Variants in PDE1C observed in about 807,000 individuals in gnomAD.
PDE1C encodes dual specificity calcium/calmodulin-dependent 3',5'-cyclic nucleotide phosphodiesterase 1C.
Under a neutral mutation model 93.1 loss-of-function variants are expected in PDE1C, and 62 were observed. That is an observed-to-expected ratio of 0.67 (90% CI 0.54 to 0.82). PDE1C has a LOEUF of 0.82. Ranked by LOEUF, PDE1C falls within the 40% of genes least tolerant of loss-of-function variation. The probability of loss-of-function intolerance (pLI) is 0.00; values close to 1 mark genes in which losing one functional copy is unlikely to be tolerated. For synonymous variants in PDE1C, 325 were observed against 310.1 expected (o/e 1.05, Z -0.50); for missense variants, 742 against 884.6 (o/e 0.84, Z 2.04).
At chr7:31,979,669 T>C (rs1329536151) in intron 2 of PDE1C, among the ~76,000 whole-genome samples, 1 of 152,192 alleles carries the variant, frequency 6.6e-6, no homozygotes, top group African/African-American at 2.4e-5. Context: ...CTATACTTAC[T>C]AGCTTCATGA....
At chr7:32,097,948 C>CACATAATTTTCACCACAACCCTGAA (rs1797839745) in intron 3 of PDE1C, among the ~76,000 whole-genome samples, 1 of 152,040 alleles carries the variant, frequency 6.6e-6, no homozygotes, top group African/African-American at 2.4e-5. Flanking sequence ...GACATAAATC[C>CACATAATTTTCACCACAACCCTGAA]GGCCGGGCGC....
chr7:31,619,744 A>G, the PDE1C span, among the ~76,000 whole-genome samples: 2 of 152,122 alleles, frequency 1.3e-5, no homozygotes, highest in Admixed American at 6.5e-5. Context: ...AGGGAGTGCC[A>G]GACAGTGGGC....
At chr7:32,419,458 G>A (rs1304567880) in intron 1 of PDE1C, among the ~76,000 whole-genome samples, 1 of 152,212 alleles carries the variant, frequency 6.6e-6, no homozygotes. Context: ...AGCTCCCTCA[G>A]GAGAGTGAGC....
At chr7:31,776,413 C>T (rs979010642) in intron 16 of PDE1C, among the ~76,000 whole-genome samples, 1 of 152,012 alleles carries the variant, frequency 6.6e-6, no homozygotes, top group African/African-American at 2.4e-5. Context: ...CAACTGGCAA[C>T]AGAATTCCTA....
intron 7 of PDE1C, among the ~76,000 whole-genome samples, chr7:31,854,697 G>T (rs1037911359): frequency 6.6e-6 from 1 of 152,162 alleles, no homozygotes; most frequent in Admixed American, 6.6e-5. Context: ...ACTTTTCTAT[G>T]TGAATGATAG....
the PDE1C span, among the ~76,000 whole-genome samples, chr7:31,732,102 G>A: frequency 1.3e-5 from 2 of 152,232 alleles, no homozygotes; most frequent in Admixed American, 6.5e-5. Flanking sequence ...GCCCAGATGC[G>A]AGGTGCGGGA....
intron 1 of PDE1C, among the ~76,000 whole-genome samples, chr7:32,359,448 C>A (rs1229267196): frequency 6.6e-6 from 1 of 152,138 alleles, no homozygotes; most frequent in African/African-American, 2.4e-5. Flanking sequence ...TATTCATCAT[C>A]TATCTTTCCC....
At chr7:32,259,682 T>C (rs1248254306) in intron 1 of PDE1C, among the ~76,000 whole-genome samples, 1 of 152,156 alleles carries the variant, frequency 6.6e-6, no homozygotes, top group East Asian at 1.9e-4. Flanking sequence ...GTTCTCCTCA[T>C]CCAGCCCCAG....
At chr7:31,642,652 T>C in the PDE1C span, 4 of 1,596,204 alleles carry the variant, frequency 2.5e-6, no homozygotes, top group Non-Finnish European at 3.4e-6. Flanking sequence ...CTTCCTGACC[T>C]GTTTCCCTTT....
At chr7:31,969,307 C>T (rs1810545035) in intron 2 of PDE1C, among the ~76,000 whole-genome samples, 1 of 152,138 alleles carries the variant, frequency 6.6e-6, no homozygotes, top group Admixed American at 6.6e-5. Flanking sequence ...AAAAAACAAA[C>T]AACCCTATCA....
intron 2 of PDE1C, among the ~76,000 whole-genome samples, chr7:31,903,187 G>A (rs1355607597): frequency 1.3e-5 from 2 of 151,586 alleles, no homozygotes; most frequent in Non-Finnish European, 3.0e-5. Context: ...AATATTTTCA[G>A]GAAAAATGAG....
intron 17 of PDE1C, among the ~76,000 whole-genome samples, chr7:31,773,062 C>T (rs12154811): frequency 0.31 from 46,934 of 152,090 alleles, 7,795 homozygotes; most frequent in African/African-American, 0.42. Flanking sequence ...TCCTTCCGTG[C>T]ACCCCTCAGG....
At chr7:31,638,179 A>T in the PDE1C span, among the ~76,000 whole-genome samples, 1 of 152,232 alleles carries the variant, frequency 6.6e-6, no homozygotes, top group Non-Finnish European at 1.5e-5. Flanking sequence ...CACAGTTGAT[A>T]TAAGGAGGAA....
intron 2 of PDE1C, among the ~76,000 whole-genome samples, chr7:31,957,097 T>A (rs1376583117): frequency 6.6e-6 from 1 of 151,412 alleles, no homozygotes; most frequent in Non-Finnish European, 1.5e-5. Flanking sequence ...AAATAATTGC[T>A]CTGTATTAAA....
chr7:31,875,629 G>T (rs754034874), intron 5 of PDE1C, among the ~76,000 whole-genome samples: 2 of 151,306 alleles, frequency 1.3e-5, no homozygotes, highest in African/African-American at 2.4e-5. Flanking sequence ...CAAAGGAAGC[G>T]TGAACCTCCT....
intron 16 of PDE1C, among the ~76,000 whole-genome samples, chr7:31,794,892 C>T (rs993131618): frequency 3.3e-5 from 5 of 151,966 alleles, no homozygotes; most frequent in African/African-American, 1.2e-4. Flanking sequence ...GACTACTCTT[C>T]ATGTTTTTCT....
intron 3 of PDE1C, among the ~76,000 whole-genome samples, chr7:32,164,696 C>T (rs1802117755): frequency 6.6e-6 from 1 of 152,202 alleles, no homozygotes; most frequent in South Asian, 2.1e-4. Flanking sequence ...AGCAGATGCT[C>T]AATAAATATT....
In PDE1C at chr7:31,964,691, C is replaced by T. The variant is rs370125951; in HGVS notation, c.129-83831G>A. ...GTTCCCTGACCCCCGAGTAGCCTAACTGGGAGGCAACCCCCCAATAGGGGT... is the reference window on the plus strand; with the variant it reads ...GTTCCCTGACCCCCGAGTAGCCTAATTGGGAGGCAACCCCCCAATAGGGGT... On this transcript the variant is annotated intron_variant, in intron 2 of 17. Coordinates refer to ENST00000396191, the MANE Select transcript of PDE1C (RefSeq NM_001191057.4). Among the ~76,000 whole-genome samples the T allele has an allele frequency of 1.9e-4, 29 of 152,338 alleles. No individual in the cohort carries two copies. In the East Asian group the frequency reaches 3.1e-3, roughly 16 times the overall value.
chr7:31,733,579 C>T, the PDE1C span, among the ~76,000 whole-genome samples: 1 of 152,216 alleles, frequency 6.6e-6, no homozygotes, highest in Non-Finnish European at 1.5e-5. Context: ...TCTGAATCCT[C>T]ATACATTGCC....
Sources: gnomAD v4.1 joint callset for allele counts (sites outside exome capture counted in the v4.1 genomes callset) on GRCh38, gnomAD v4.1.1 for gene constraint, MANE v1.5 for transcripts, NCBI Gene and HGNC (gene_info 2026-07-23, HGNC 2026-07-21) for gene names.